Variants in FARP2 observed in about 807,000 individuals in gnomAD.
FARP2 encodes the protein FERM, ARH/RhoGEF and pleckstrin domain protein 2.
Under a neutral mutation model 130.5 loss-of-function variants are expected in FARP2, and 111 were observed. The ratio of observed to expected loss-of-function variants is 0.85; its 90% CI spans 0.73 to 1.00. FARP2 has a LOEUF of 1.00. Ranked by LOEUF, FARP2 falls within the 50% of genes least tolerant of loss-of-function variation. The probability of loss-of-function intolerance (pLI) is 0.00; values close to 1 mark genes in which losing one functional copy is unlikely to be tolerated. For synonymous variants in FARP2, 504 were observed against 516.9 expected, an observed-to-expected ratio of 0.98 and a Z score of 0.34; for missense variants, 1,385 against 1,346.3, an observed-to-expected ratio of 1.03 and a Z score of -0.45.
At chr2:241,395,172 G>A (rs2061999782) in intron 2 of FARP2, among the ~76,000 whole-genome samples, 1 of 152,204 alleles carries the variant, frequency 6.6e-6, no homozygotes, top group African/African-American at 2.4e-5. Context: ...TTAGGACGGT[G>A]TGAGGAAACC....
chr2:241,473,245 TGACCCTGCTCTATAGG>T (rs1159066610), intron 18 of FARP2, among the ~76,000 whole-genome samples: 2 of 144,790 alleles, frequency 1.4e-5, no homozygotes, highest in African/African-American at 5.2e-5. Context: ...TGTTCTGTGG[TGACCCTGCTCTATAGG>T]GACCCTGTTC....
chr2:241,436,258 A>G (rs564087494), intron 11 of FARP2, among the ~76,000 whole-genome samples: 1 of 152,094 alleles, frequency 6.6e-6, no homozygotes, highest in Admixed American at 6.6e-5. Flanking sequence ...CGCACGTGGA[A>G]TTTTTTCCTT....
chr2:241,393,264 C>T (rs894827280), intron 2 of FARP2, among the ~76,000 whole-genome samples: 5 of 152,078 alleles, frequency 3.3e-5, no homozygotes, highest in African/African-American at 7.2e-5. Flanking sequence ...AGGTGATCCA[C>T]CCGCCTCGGT....
At chr2:241,407,258 A>G (rs2062384569) in intron 4 of FARP2, among the ~76,000 whole-genome samples, 1 of 151,380 alleles carries the variant, frequency 6.6e-6, no homozygotes, top group East Asian at 2.0e-4. Flanking sequence ...ACAGGGTCTC[A>G]CCCTGCTGCC....
intron 5 of FARP2, among the ~76,000 whole-genome samples, chr2:241,409,627 G>A (rs1390422910): frequency 3.3e-5 from 5 of 152,240 alleles, no homozygotes; most frequent in East Asian, 1.9e-4. Context: ...GCATAAGTAC[G>A]TATCTTTCAG....
At chr2:241,466,988 C>T (rs1376876208) in intron 17 of FARP2, among the ~76,000 whole-genome samples, 1 of 151,896 alleles carries the variant, frequency 6.6e-6, no homozygotes, top group Non-Finnish European at 1.5e-5. Flanking sequence ...AGCGCAGTGG[C>T]TCATGCCTGT....
chr2:241,447,483 C>T (rs554867986), intron 13 of FARP2, among the ~76,000 whole-genome samples: 1 of 152,324 alleles, frequency 6.6e-6, no homozygotes, highest in South Asian at 2.1e-4. Context: ...CAGGCCCCCA[C>T]CACACCCCAC....
chr2:241,488,424 T>G (rs1186859039), intron 21 of FARP2: 5 of 150,432 alleles, frequency 3.3e-5, no homozygotes, highest in Middle Eastern at 3.2e-3. Flanking sequence ...TGGTTTTTTT[T>G]TTTTTTTTTT....
chr2:241,463,229 C>CT (rs1356123828), intron 15 of FARP2, 106 bp from the exon 16 acceptor site: 10 of 1,226,734 alleles, frequency 8.2e-6, no homozygotes, highest in Non-Finnish European at 1.1e-5. Flanking sequence ...TAGGCGGTGA[C>CT]TGGAGGGTCA....
intron 13 of FARP2, chr2:241,445,480 C>T (rs982554754): frequency 4.6e-5 from 7 of 152,158 alleles, no homozygotes; most frequent in Non-Finnish European, 8.8e-5. Context: ...TCTTTTCCAC[C>T]TTAACAAGAC....
At chr2:241,455,046 C>CATG (rs1177862444) in intron 13 of FARP2, among the ~76,000 whole-genome samples, 1 of 152,178 alleles carries the variant, frequency 6.6e-6, no homozygotes, top group Admixed American at 6.5e-5. Flanking sequence ...AACAGGGAAT[C>CATG]ATGATGTCAG....
intron 8 of FARP2, among the ~76,000 whole-genome samples, chr2:241,426,428 T>C (rs1027607565): frequency 2.6e-5 from 4 of 152,190 alleles, no homozygotes; most frequent in Non-Finnish European, 4.4e-5. Context: ...AAATACTGAA[T>C]TTAAAATTTA....
intron 8 of FARP2, among the ~76,000 whole-genome samples, chr2:241,428,951 CAT>C (rs996737348): frequency 9.9e-5 from 15 of 152,136 alleles, no homozygotes; most frequent in Non-Finnish European, 1.8e-4. Context: ...CAGGTTCACT[CAT>C]GTGGTAGCAT....
chr2:241,465,777 A>T, intron 17 of FARP2: 1 of 1,550,040 alleles, frequency 6.5e-7, no homozygotes. Flanking sequence ...CCCCTCCTCC[A>T]TCCCTCGCCT....
chr2:241,427,819 A>G (rs941711467), intron 8 of FARP2, among the ~76,000 whole-genome samples: 33 of 151,840 alleles, frequency 2.2e-4, no homozygotes, highest in Non-Finnish European at 4.1e-4. Flanking sequence ...AGGTGGGAGT[A>G]CAGTGGCGCG....
intron 1 of FARP2, among the ~76,000 whole-genome samples, chr2:241,366,102 A>ATATATATATATAT (rs1388297069): frequency 1.2e-4 from 4 of 34,770 alleles, no homozygotes; most frequent in Non-Finnish European, 2.8e-4. Flanking sequence ...TAAAAAAAAA[A>ATATATATATATAT]AAATATATAT....
chr2:241,402,880 ATTTTTTTTTTTTTTTTTT>A (rs1194888946), intron 2 of FARP2, among the ~76,000 whole-genome samples: 2 of 9,738 alleles, frequency 2.1e-4, no homozygotes, highest in African/African-American at 1.0e-3. Flanking sequence ...ATATATATAT[ATTTTTTTTTTTTTTTTTT>A]TTTTTTTTTT....
At chr2:241,453,487 T>C (rs1420865693) in intron 13 of FARP2, among the ~76,000 whole-genome samples, 17 of 151,452 alleles carry the variant, frequency 1.1e-4, no homozygotes, top group African/African-American at 3.6e-4. Context: ...CCAGGCATGG[T>C]GGTGGGAGCC....
intron 13 of FARP2, chr2:241,442,889 G>T: frequency 4.2e-6 from 1 of 237,366 alleles, no homozygotes; most frequent in Non-Finnish European, 8.4e-6. Context: ...ATCTTCAATA[G>T]AATATGTGTA....
Sources: gnomAD v4.1 joint callset for allele counts (sites outside exome capture counted in the v4.1 genomes callset) on GRCh38, gnomAD v4.1.1 for gene constraint, MANE v1.5 for transcripts, NCBI Gene and HGNC (gene_info 2026-07-23, HGNC 2026-07-21) for gene names.